Variants in CCDC25 observed in about 807,000 individuals in gnomAD.
CCDC25 encodes the protein coiled-coil domain containing 25.
In CCDC25, 16 loss-of-function variants were observed where a neutral mutation model predicts 35.3. The ratio of observed to expected loss-of-function variants is 0.45; its 90% CI spans 0.31 to 0.69. The LOEUF (loss-of-function observed/expected upper bound fraction) is 0.69. Among genes scored for constraint, CCDC25 ranks in the 30% least tolerant of loss-of-function variants. The pLI, the probability that CCDC25 is intolerant of heterozygous loss-of-function variation, is 0.06. For missense variants in CCDC25, 179 were observed against 250.7 expected (o/e 0.71, Z 1.93); for synonymous variants, 79 against 80.3 (o/e 0.98, Z 0.09).
intron 4 of CCDC25, among the ~76,000 whole-genome samples, chr8:27,753,361 A>G (rs915841374): frequency 2.6e-5 from 4 of 152,124 alleles, no homozygotes; most frequent in African/African-American, 9.7e-5. Flanking sequence ...TGGCTATGTC[A>G]TTTACTGCAG....
chr8:27,739,485 A>C (rs971643654), intron 8 of CCDC25, among the ~76,000 whole-genome samples: 3 of 152,128 alleles, frequency 2.0e-5, no homozygotes, highest in Non-Finnish European at 4.4e-5. Context: ...ACCTCAGCTC[A>C]AAAATATTTA....
chr8:27,736,567 T>C (rs1803236106), intron 8 of CCDC25, among the ~76,000 whole-genome samples: 1 of 152,160 alleles, frequency 6.6e-6, no homozygotes, highest in African/African-American at 2.4e-5. Context: ...ACATGACAGA[T>C]CCTTCAACAA....
At chr8:27,745,399 C>T (rs974388941) in intron 7 of CCDC25, among the ~76,000 whole-genome samples, 7 of 152,316 alleles carry the variant, frequency 4.6e-5, no homozygotes, top group South Asian at 2.1e-4. Flanking sequence ...CTCTTTATGA[C>T]GTTTCCCTGA....
chr8:27,762,291 G>T, intron 3 of CCDC25, 128 bp downstream of exon 3: 1 of 743,208 alleles, frequency 1.3e-6, no homozygotes, highest in Non-Finnish European at 2.3e-6. Flanking sequence ...GAAGGAACTG[G>T]CAGTCAGCTG....
chr8:27,749,772 T>C (rs772315375), intron 5 of CCDC25, among the ~76,000 whole-genome samples: 2 of 152,164 alleles, frequency 1.3e-5, no homozygotes, highest in Non-Finnish European at 2.9e-5. Flanking sequence ...CTTCCTGAAT[T>C]TTACCACTGT....
At chr8:27,763,011 G>C (rs1804278628) in intron 2 of CCDC25, among the ~76,000 whole-genome samples, 1 of 152,128 alleles carries the variant, frequency 6.6e-6, no homozygotes, top group South Asian at 2.1e-4. Flanking sequence ...GGTAGCAGGT[G>C]GGGTGGAACA....
intron 5 of CCDC25, 45 bp downstream of exon 5, chr8:27,752,467 G>T (rs746470074): frequency 7.0e-7 from 1 of 1,431,148 alleles, no homozygotes; most frequent in Non-Finnish European, 9.8e-7. Context: ...TTCAGACACA[G>T]AGAAAGTCCG....
intron 1 of CCDC25, 58 bp downstream of exon 1, chr8:27,772,455 G>A: frequency 6.6e-7 from 1 of 1,525,524 alleles, no homozygotes; most frequent in Non-Finnish European, 8.9e-7. Flanking sequence ...CGGACTGCGG[G>A]TCCCGGCTTC....
intron 3 of CCDC25, among the ~76,000 whole-genome samples, chr8:27,761,418 A>T (rs1431207067): frequency 6.6e-6 from 1 of 152,226 alleles, no homozygotes. Flanking sequence ...ATAAATATTA[A>T]TATCTATTTC....
chr8:27,764,432 C>T, intron 2 of CCDC25: 1 of 369,886 alleles, frequency 2.7e-6, no homozygotes, highest in South Asian at 2.0e-5. Flanking sequence ...CTATGCCCAG[C>T]TAATATTTTC....
At chr8:27,754,685 A>T (rs1361652524) in intron 4 of CCDC25, 1 of 152,242 alleles carries the variant, frequency 6.6e-6, no homozygotes, top group East Asian at 1.9e-4. Context: ...TTCTGTAGTG[A>T]CAGGGTCTCC....
Position 27,735,987 on chromosome 8 carries a change from T to C in CCDC25, c.*229A>G. ...CAAGACATGTTCTGGCAAAAACATTTTCACTTTAAGTTATATGCTGTCAAG... is the reference window on the plus strand; with the variant it reads ...CAAGACATGTTCTGGCAAAAACATTCTCACTTTAAGTTATATGCTGTCAAG... On this transcript the variant is annotated 3_prime_UTR_variant, in exon 9 of 9. Coordinates refer to ENST00000356537, the MANE Select transcript of CCDC25 (RefSeq NM_018246.3). 1 of 438,062 alleles carries C rather than the reference T, an allele frequency of 2.3e-6. No individual in the cohort carries two copies. The highest frequency in any genetic ancestry group is 4.1e-6 in the Non-Finnish European group (1 of 246,792). 27.1% of individuals were successfully genotyped at this position (438,062 alleles called of 1,614,324 possible). A position where few individuals can be genotyped will look rare whatever the true frequency, so the allele number is the denominator to read the frequency against.
At chr8:27,760,224 T>G (rs1804175284) in intron 3 of CCDC25, among the ~76,000 whole-genome samples, 1 of 152,228 alleles carries the variant, frequency 6.6e-6, no homozygotes, top group Non-Finnish European at 1.5e-5. Context: ...GGATGTGGGT[T>G]GTAAACTGGA....
At chr8:27,772,179 A>G (rs1804645569) in intron 1 of CCDC25, 1 of 427,434 alleles carries the variant, frequency 2.3e-6, no homozygotes, top group Non-Finnish European at 4.2e-6. Flanking sequence ...GGTGGGAAGA[A>G]GACTTGGGAT....
chr8:27,748,112 TTCTTTTTCTC>T lies in CCDC25; in HGVS notation c.506_515del (p.Arg169LysfsTer3), dbSNP rs759148084. The T allele has an allele frequency of 6.2e-7, 1 of 1,612,560 alleles. No individual in the cohort carries two copies. Among genetic ancestry groups the T allele is most frequent in the African/African-American group, 1.3e-5 (1 of 74,882 alleles). On this transcript the variant is annotated frameshift_variant, in exon 7 of 9. Transcript: ENST00000356537. LOFTEE classifies it high-confidence loss of function. ...CCATTTCCCTCTTCTTCTTCATTTCTTCTTTTTCTCTCTTTTTCATTTCCTGAATTTGGGC... is the reference window on the plus strand; with the variant it reads ...CCATTTCCCTCTTCTTCTTCATTTCTTCTTTTTCATTTCCTGAATTTGGGC...
chr8:27,759,779 CA>C (rs77051762), intron 3 of CCDC25, among the ~76,000 whole-genome samples: 3,266 of 91,028 alleles, frequency 0.036, 102 homozygotes, highest in African/African-American at 0.071. Flanking sequence ...GACTCTGTCT[CA>C]AAAAAAAAAA....
intron 4 of CCDC25, chr8:27,754,387 T>C (rs1334018799): frequency 6.6e-6 from 1 of 152,218 alleles, no homozygotes; most frequent in East Asian, 1.9e-4. Context: ...CAAGATGGAA[T>C]GTGGACAAGA....
intron 7 of CCDC25, among the ~76,000 whole-genome samples, chr8:27,742,236 T>C (rs1803463403): frequency 6.6e-6 from 1 of 152,314 alleles, no homozygotes; most frequent in Non-Finnish European, 1.5e-5. Flanking sequence ...CAGTCAAAGA[T>C]AATGAGTTGG....
At chr8:27,738,307 C>G (rs1803315605) in intron 8 of CCDC25, among the ~76,000 whole-genome samples, 1 of 152,134 alleles carries the variant, frequency 6.6e-6, no homozygotes, top group Non-Finnish European at 1.5e-5. Context: ...TATCCCTTAA[C>G]AGAAGACGGT....
Sources: allele counts gnomAD v4.1 joint callset (sites outside exome capture counted in the v4.1 genomes callset), GRCh38; gene constraint gnomAD v4.1.1; transcripts MANE v1.5; gene names NCBI Gene and HGNC (gene_info 2026-07-23, HGNC 2026-07-21).